The following ST6GALNAC5 variants were observed in gnomAD, a reference collection of about 807,000 sequenced individuals.
The protein encoded by ST6GALNAC5 is alpha-N-acetylgalactosaminide alpha-2,6-sialyltransferase 5.
In ST6GALNAC5, 27 loss-of-function variants were observed where a neutral mutation model predicts 33.6. The observed-to-expected ratio is 0.80, with a 90% CI of 0.59 to 1.11. ST6GALNAC5 has a LOEUF of 1.11. ST6GALNAC5 is among the 50% of genes least tolerant of loss of function. ST6GALNAC5 has a pLI of 0.00. For synonymous variants in ST6GALNAC5, 194 were observed against 171.2 expected (o/e 1.13, Z -1.04); for missense variants, 428 against 454.0 (o/e 0.94, Z 0.52).
At chr1:77,007,536 C>A (rs1431745152) in intron 2 of ST6GALNAC5, among the ~76,000 whole-genome samples, 2 of 152,150 alleles carry the variant, frequency 1.3e-5, no homozygotes, top group African/African-American at 4.8e-5. Context: ...AGCACATATT[C>A]AGGAGGTTTT....
chr1:76,936,953 G>GGCGTGGGTGTGTGTGTGTGTGT (rs138095164), intron 2 of ST6GALNAC5, among the ~76,000 whole-genome samples: 1 of 139,946 alleles, frequency 7.1e-6, no homozygotes. Context: ...AGAGAAGCAG[G>GGCGTGGGTGTGTGTGTGTGTGT]GTGTGTGTGT....
intron 2 of ST6GALNAC5, among the ~76,000 whole-genome samples, chr1:76,911,375 G>A (rs1646909713): frequency 6.6e-6 from 1 of 152,084 alleles, no homozygotes. Context: ...TTGCATCAAT[G>A]TTCATCAAGG....
chr1:76,900,876 A>G (rs1173475267), intron 2 of ST6GALNAC5, among the ~76,000 whole-genome samples: 2 of 152,218 alleles, frequency 1.3e-5, no homozygotes, highest in African/African-American at 2.4e-5. Context: ...AGAAAACATA[A>G]TTATTCAGAT....
chr1:76,998,490 T>C (rs1436460659), intron 2 of ST6GALNAC5, among the ~76,000 whole-genome samples: 1 of 152,194 alleles, frequency 6.6e-6, no homozygotes, highest in African/African-American at 2.4e-5. Context: ...TCAAACAAAA[T>C]GTATTCTTAT....
intron 2 of ST6GALNAC5, among the ~76,000 whole-genome samples, chr1:76,944,887 T>C (rs1570695817): frequency 1.3e-5 from 2 of 152,010 alleles, no homozygotes; most frequent in South Asian, 2.1e-4. Flanking sequence ...GAAAAAAAAA[T>C]GTGTTTTGAG....
At chr1:76,922,770 T>C (rs1373845494) in intron 2 of ST6GALNAC5, among the ~76,000 whole-genome samples, 4 of 151,734 alleles carry the variant, frequency 2.6e-5, no homozygotes, top group Non-Finnish European at 4.4e-5. Flanking sequence ...AAAAAGTCTC[T>C]ACTAGAAATA....
chr1:76,989,469 A>C (rs1649638512), intron 2 of ST6GALNAC5, among the ~76,000 whole-genome samples: 1 of 152,096 alleles, frequency 6.6e-6, no homozygotes, highest in Non-Finnish European at 1.5e-5. Context: ...ATTTGTTCAT[A>C]ACTTTCATTG....
intron 2 of ST6GALNAC5, among the ~76,000 whole-genome samples, chr1:76,909,091 CTTCTCTCGGCACTT>C (rs1266331262): frequency 3.3e-5 from 5 of 152,230 alleles, no homozygotes; most frequent in African/African-American, 1.2e-4. Flanking sequence ...TCTTCAGGCC[CTTCTCTCGGCACTT>C]TTCATTTTAT....
intron 2 of ST6GALNAC5, among the ~76,000 whole-genome samples, chr1:76,912,174 C>T (rs528287922): frequency 5.7e-4 from 87 of 152,150 alleles, no homozygotes; most frequent in Middle Eastern, 3.4e-3. Context: ...GCCTTCATTT[C>T]GTTATGTACC....
intron 2 of ST6GALNAC5, among the ~76,000 whole-genome samples, chr1:76,903,015 A>G (rs1169996268): frequency 1.3e-5 from 2 of 152,170 alleles, no homozygotes; most frequent in East Asian, 3.8e-4. Flanking sequence ...TTCCCAAAAC[A>G]TGAGCAACAA....
chr1:77,021,911 T>C (rs1651067642), intron 2 of ST6GALNAC5, among the ~76,000 whole-genome samples: 1 of 152,164 alleles, frequency 6.6e-6, no homozygotes. Context: ...TAAGGGGAAA[T>C]TTGAGAGCCA....
At chr1:76,942,812 T>C (rs1647384781) in intron 2 of ST6GALNAC5, among the ~76,000 whole-genome samples, 1 of 152,054 alleles carries the variant, frequency 6.6e-6, no homozygotes, top group African/African-American at 2.4e-5. Context: ...ATTCTCCACC[T>C]CCACAGACAT....
At chr1:76,991,097 T>C (rs1386427231) in intron 2 of ST6GALNAC5, among the ~76,000 whole-genome samples, 1 of 152,122 alleles carries the variant, frequency 6.6e-6, no homozygotes, top group African/African-American at 2.4e-5. Context: ...AACAGCCAGA[T>C]AGCAAATGGA....
At chr1:77,016,129 GTATCTCCTCCCTCCCCTCC>G (rs1650827876) in intron 2 of ST6GALNAC5, among the ~76,000 whole-genome samples, 1 of 111,944 alleles carries the variant, frequency 8.9e-6, no homozygotes, top group Non-Finnish European at 1.8e-5. Context: ...TCCTCCTCCT[GTATCTCCTCCCTCCCCTCC>G]TGTATCTTCC....
At chr1:76,876,080 C>T (rs1194922688) in intron 2 of ST6GALNAC5, among the ~76,000 whole-genome samples, 1 of 152,212 alleles carries the variant, frequency 6.6e-6, no homozygotes, top group Non-Finnish European at 1.5e-5. Context: ...TTGGCAGAAG[C>T]ATTGTGTGCA....
At chr1:77,024,085 T>A (rs893687560) in intron 2 of ST6GALNAC5, among the ~76,000 whole-genome samples, 1 of 152,198 alleles carries the variant, frequency 6.6e-6, no homozygotes, top group African/African-American at 2.4e-5. Context: ...TTGGTCAGTG[T>A]GGGCCTGGAA....
At chr1:76,968,783 CA>C (rs753276243) in intron 2 of ST6GALNAC5, among the ~76,000 whole-genome samples, 5 of 152,150 alleles carry the variant, frequency 3.3e-5, no homozygotes, top group African/African-American at 4.8e-5. Context: ...CTGGTGGTGA[CA>C]AAATCTCTCA....
chr1:76,978,432 G>T (rs986926667), intron 2 of ST6GALNAC5, among the ~76,000 whole-genome samples: 1 of 152,118 alleles, frequency 6.6e-6, no homozygotes, highest in African/African-American at 2.4e-5. Context: ...GATTCACCAT[G>T]ATCAACTGAT....
rs144604997 is a variant in ST6GALNAC5 at position 77,063,064 on chromosome 1, G to A, written c.869G>A (p.Arg290His). Residue 290 changes from arginine (R) to histidine (H), a missense_variant, in exon 5 of 5, where the codon CGC (arginine) becomes CAC (histidine). Physicochemically the swap from Arg to His is conservative, Grantham distance 29. Coordinates refer to ENST00000477717, the MANE Select transcript of ST6GALNAC5 (RefSeq NM_030965.3). Reference protein sequence around the residue: ...CTMYLSHERGRKGSHHRFITE... With the variant: ...CTMYLSHERGHKGSHHRFITE... ...ATGTACCTCTCCCATGAGCGAGGAC[G>A]CAAGGGCAGTCATCACCGCTTTATC... 9.1e-5 allele frequency: 147 copies of A among 1,613,894 alleles called. 3 individuals carry two copies. The East Asian group carries it at 1.0e-3, about 11-fold the overall frequency.
Sources: allele counts gnomAD v4.1 joint callset (sites outside exome capture counted in the v4.1 genomes callset), GRCh38; gene constraint gnomAD v4.1.1; transcripts MANE v1.5; gene names NCBI Gene and HGNC (gene_info 2026-07-23, HGNC 2026-07-21).